The following PIEZO2 variants were observed in gnomAD, a reference collection of about 807,000 sequenced individuals.
The protein encoded by PIEZO2 is piezo type mechanosensitive ion channel component 2.
A neutral mutation model predicts 337.3 loss-of-function variants in PIEZO2; 172 were observed. That is an observed-to-expected ratio of 0.51 (90% CI 0.45 to 0.58). The LOEUF (loss-of-function observed/expected upper bound fraction) is 0.58. Among genes scored for constraint, PIEZO2 ranks in the 20% least tolerant of loss-of-function variants. PIEZO2 has a pLI of 0.00. For synonymous variants in PIEZO2, 1,251 were observed against 1,228.5 expected, an observed-to-expected ratio of 1.02 and a Z score of -0.38; for missense variants, 3,028 against 3,391.3, an observed-to-expected ratio of 0.89 and a Z score of 2.66.
intron 43 of PIEZO2, among the ~76,000 whole-genome samples, chr18:10,699,710 G>C (rs1048527429): frequency 7.2e-6 from 1 of 139,024 alleles, no homozygotes; most frequent in African/African-American, 2.6e-5. Flanking sequence ...GGTGGGTATA[G>C]ATAATAAGAT....
At chr18:11,106,709 C>T (rs1178121951) in intron 1 of PIEZO2, among the ~76,000 whole-genome samples, 1 of 152,120 alleles carries the variant, frequency 6.6e-6, no homozygotes, top group Non-Finnish European at 1.5e-5. Context: ...CCACTGCACC[C>T]AGCTTGGCAG....
At chr18:10,806,465 T>C (rs2040006243) in intron 8 of PIEZO2, among the ~76,000 whole-genome samples, 4 of 152,176 alleles carry the variant, frequency 2.6e-5, no homozygotes, top group South Asian at 2.1e-4. Context: ...TCCTTGTTCA[T>C]ATTTTCATAG....
rs560386830 is a variant in PIEZO2, at chr18:10,712,383, T to C, written c.5423+2381A>G. On this transcript the variant is annotated intron_variant, in intron 39 of 55. Coordinates refer to ENST00000674853, the MANE Select transcript of PIEZO2 (RefSeq NM_001378183.1). ...TAGCGTTAAAATGAATTAAGTATAT[T>C]GAATTAAATTAAAGAGAGAATGATT... Among the ~76,000 whole-genome samples the C allele has an allele frequency of 2.0e-5, 3 of 152,310 alleles. No individual in the cohort carries two copies. In the South Asian group the frequency reaches 6.2e-4, roughly 32 times the overall value.
chr18:10,979,790 C>G lies in PIEZO2; in HGVS notation c.161-130G>C. 14 of 772,532 alleles carry G rather than the reference C, an allele frequency of 1.8e-5. No individual in the cohort carries two copies. Among genetic ancestry groups the G allele is most frequent in the South Asian group, 4.8e-5 (1 of 20,672 alleles). 47.9% of individuals were successfully genotyped at this position (772,532 alleles called of 1,614,324 possible). A position where few individuals can be genotyped will look rare whatever the true frequency, so the allele number is the denominator to read the frequency against. On this transcript the variant is annotated intron_variant, in intron 2 of 55. Coordinates refer to ENST00000674853, the MANE Select transcript of PIEZO2 (RefSeq NM_001378183.1). This position sits in a 1 kb window ranked among gnomAD's most constrained non-coding sequence, Gnocchi z 4.0. ...AAAGTATATGGAATGTAATAATTATCATCTTAATTATTAGTCTATAGCTAA... is the reference window on the plus strand; with the variant it reads ...AAAGTATATGGAATGTAATAATTATGATCTTAATTATTAGTCTATAGCTAA...
chr18:10,685,988 C>G (rs1201030571), intron 49 of PIEZO2, among the ~76,000 whole-genome samples: 1 of 152,194 alleles, frequency 6.6e-6, no homozygotes, highest in Non-Finnish European at 1.5e-5. Flanking sequence ...CTCCAGACCC[C>G]CATCAGAACT....
At position 10,702,026 on chromosome 18, in the gene PIEZO2, T is replaced by C; in HGVS notation, c.6404A>G (p.Gln2135Arg). Residue 2135 changes from glutamine (Q) to arginine (R), a missense_variant, in exon 43 of 56, where the codon CAG becomes CGG. Coordinates refer to ENST00000674853, the MANE Select transcript of PIEZO2 (RefSeq NM_001378183.1). The stretch of plus-strand genomic sequence containing the variant: ...TCGATGAAAGAACAGAGCCAGGAGC[T>C]GGATGAGGTCATAGAGAACATAACC... ...KEGYVLYDLIQLLALFFHRSI... is the reference protein window; with the variant it reads ...KEGYVLYDLIRLLALFFHRSI... 1 of 1,533,192 alleles carries C rather than the reference T, an allele frequency of 6.5e-7. No individual in the cohort carries two copies. 95.0% of individuals were successfully genotyped at this position (1,533,192 alleles called of 1,614,324 possible). A position where few individuals can be genotyped will look rare whatever the true frequency, so the allele number is the denominator to read the frequency against.
At chr18:10,852,860 C>T (rs2041595420) in intron 7 of PIEZO2, among the ~76,000 whole-genome samples, 1 of 152,074 alleles carries the variant, frequency 6.6e-6, no homozygotes, top group African/African-American at 2.4e-5. Flanking sequence ...CACCCACCAA[C>T]CGGGAACGTC....
chr18:10,759,534 C>G lies in PIEZO2; in HGVS notation c.3705G>C (p.Lys1235Asn). Residue 1235 changes from lysine to asparagine, a missense_variant, in exon 26 of 56, where the codon AAG becomes AAC. Physicochemically the swap from Lys to Asn is moderately conservative, Grantham distance 94. Coordinates refer to ENST00000674853, the MANE Select transcript of PIEZO2 (RefSeq NM_001378183.1). The surrounding 1 kb of genome is among the most constrained non-coding windows in gnomAD (Gnocchi z 5.5). ...CAATGAAATCTGGGAAGTACAGCCA[C>G]TTTATGATGTTGTCATTGAAGCTGG... The part of the protein sequence containing the change: ...KGASFNDNII[K>N]WLYFPDFIVR... 6.5e-7 allele frequency: 1 copy of G among 1,537,278 alleles called. No individual in the cohort carries two copies. Among genetic ancestry groups the G allele is most frequent in the Non-Finnish European group, 8.7e-7 (1 of 1,146,950 alleles).
chr18:10,812,203 T>C (rs2040215690), intron 7 of PIEZO2, among the ~76,000 whole-genome samples: 1 of 152,152 alleles, frequency 6.6e-6, no homozygotes. Context: ...TATCCAATGG[T>C]AACAAAATAT....
chr18:11,011,159 T>A (rs2035886121), intron 2 of PIEZO2, among the ~76,000 whole-genome samples: 1 of 152,242 alleles, frequency 6.6e-6, no homozygotes, highest in South Asian at 2.1e-4. Flanking sequence ...TTTTGAATAT[T>A]TTGTCTTTCT....
At chr18:10,875,068 G>A (rs1370055075) in intron 4 of PIEZO2, among the ~76,000 whole-genome samples, 1 of 151,992 alleles carries the variant, frequency 6.6e-6, no homozygotes, top group Non-Finnish European at 1.5e-5. Flanking sequence ...AATATCACAT[G>A]TACCCCAAAA....
chr18:10,940,130 T>C lies in PIEZO2; in HGVS notation c.287-28902A>G, dbSNP rs762444661. Among the ~76,000 whole-genome samples, 7 of 152,148 alleles carry C rather than the reference T, an allele frequency of 4.6e-5. No individual in the cohort carries two copies. The highest frequency in any genetic ancestry group is 7.2e-5 in the African/African-American group (3 of 41,454). On this transcript the variant is annotated intron_variant, in intron 3 of 55. Transcript: ENST00000674853. This position sits in a 1 kb window ranked among gnomAD's most constrained non-coding sequence, Gnocchi z 5.3. ...CAGCCTTTCCTACAAAAAAACACAC[T>C]TCAGAGGAGGCTTTGGCCATCTTTG...
intron 4 of PIEZO2, among the ~76,000 whole-genome samples, chr18:10,902,062 T>C (rs972473843): frequency 3.0e-4 from 45 of 152,160 alleles, no homozygotes. Context: ...CCTGTCAGAT[T>C]AGCAGCAGCA....
At chr18:11,006,162 A>ACAGTACCCTGT (rs1197722281) in intron 2 of PIEZO2, among the ~76,000 whole-genome samples, 3 of 152,140 alleles carry the variant, frequency 2.0e-5, no homozygotes, top group Admixed American at 6.5e-5. Context: ...GCTTTTTATC[A>ACAGTACCCTGT]CAGTACCCTG....
intron 49 of PIEZO2, among the ~76,000 whole-genome samples, chr18:10,684,096 CTT>C (rs112366981): frequency 0.035 from 1,037 of 29,432 alleles, 25 homozygotes; most frequent in African/African-American, 0.074. Context: ...TTCCTTCCTT[CTT>C]TCTCTCTCTC....
Position 10,791,257 on chromosome 18 carries a change from T to C in PIEZO2, c.1826A>G (p.Glu609Gly). ...GACTTCCGATAAAAGAGCTTCCTTTTCTTGCAGAGCTTTTTGCTCTGTGAG... is the reference window on the plus strand; with the variant it reads ...GACTTCCGATAAAAGAGCTTCCTTTCCTTGCAGAGCTTTTTGCTCTGTGAG... The part of the protein sequence containing the change: ...QHLTEQKALQ[E>G]KEALLSEVKI... Residue 609 changes from glutamate (E) to glycine (G), a missense_variant, in exon 14 of 56, where the codon GAA becomes GGA. By Grantham distance (98) the Glu-to-Gly change is moderately conservative. Around this residue, in one of 5 missense-constraint regions of PIEZO2, gnomAD observed 1,925 missense variants for 2,051.9 expected, o/e 0.94. Coordinates refer to ENST00000674853, the MANE Select transcript of PIEZO2 (RefSeq NM_001378183.1). 1 of 1,536,472 alleles carries C rather than the reference T, an allele frequency of 6.5e-7. No individual in the cohort carries two copies. Among genetic ancestry groups the C allele is most frequent in the South Asian group, 1.2e-5 (1 of 83,940 alleles).
chr18:10,816,911 A>T (rs2144418974), intron 7 of PIEZO2, among the ~76,000 whole-genome samples: 1 of 152,300 alleles, frequency 6.6e-6, no homozygotes, highest in African/African-American at 2.4e-5. Flanking sequence ...ATTAATTTTT[A>T]AAACATTGAA....
intron 1 of PIEZO2, among the ~76,000 whole-genome samples, chr18:11,073,334 T>C (rs2038413400): frequency 6.6e-6 from 1 of 152,174 alleles, no homozygotes; most frequent in Non-Finnish European, 1.5e-5. Context: ...AGTAAAAGTA[T>C]TGGGGCACCA....
At chr18:10,698,336 T>A (rs1448570323) in intron 44 of PIEZO2, among the ~76,000 whole-genome samples, 1 of 151,920 alleles carries the variant, frequency 6.6e-6, no homozygotes, top group African/African-American at 2.4e-5. Context: ...GTACAAAAGC[T>A]TCAGACAGGA....
Sources: gnomAD v4.1 joint callset for allele counts (sites outside exome capture counted in the v4.1 genomes callset) on GRCh38, gnomAD v4.1.1 for gene constraint, gnomAD v4.1.1 regional missense constraint, Gnocchi (gnomAD v3.1) non-coding constraint, MANE v1.5 for transcripts, NCBI Gene and HGNC (gene_info 2026-07-23, HGNC 2026-07-21) for gene names.